Variants in VPS8 observed in about 807,000 individuals in gnomAD.
The protein encoded by VPS8 is VPS8 subunit of CORVET complex.
A neutral mutation model predicts 216.4 loss-of-function variants in VPS8; 129 were observed. That is an observed-to-expected ratio of 0.60 (90% CI 0.52 to 0.69). VPS8 has a LOEUF of 0.69. Ranked by LOEUF, VPS8 falls within the 30% of genes least tolerant of loss-of-function variation. The pLI is 0.00. For synonymous variants in VPS8, 571 were observed against 565.4 expected (o/e 1.01, Z -0.14); for missense variants, 1,531 against 1,683.5 (o/e 0.91, Z 1.59).
chr3:184,916,872 A>T (rs557641765), intron 28 of VPS8, among the ~76,000 whole-genome samples: 3 of 152,350 alleles, frequency 2.0e-5, no homozygotes, highest in Admixed American at 2.0e-4. Flanking sequence ...TGATGTCTGA[A>T]TTATGACACT....
intron 39 of VPS8, among the ~76,000 whole-genome samples, chr3:184,971,261 G>C (rs920553482): frequency 1.3e-5 from 2 of 152,108 alleles, no homozygotes; most frequent in East Asian, 3.9e-4. Context: ...AATGAAGAGA[G>C]ACCTAAAATA....
intron 30 of VPS8, among the ~76,000 whole-genome samples, chr3:184,925,923 A>G (rs1739524469): frequency 6.6e-6 from 1 of 150,922 alleles, no homozygotes; most frequent in South Asian, 2.1e-4. Context: ...ACAGGCACAT[A>G]CCACCACGCC....
intron 8 of VPS8, among the ~76,000 whole-genome samples, chr3:184,848,620 G>A (rs930727779): frequency 7.1e-6 from 1 of 140,576 alleles, no homozygotes; most frequent in South Asian, 2.3e-4. Flanking sequence ...GCAGGCTGGA[G>A]TGCGGTAGTG....
intron 40 of VPS8, among the ~76,000 whole-genome samples, chr3:184,978,676 T>C (rs1224189147): frequency 6.6e-6 from 1 of 152,106 alleles, no homozygotes; most frequent in African/African-American, 2.4e-5. Flanking sequence ...GGGATTACAA[T>C]TGTGAGCCAT....
chr3:184,908,631 C>T (rs754231751), intron 25 of VPS8, among the ~76,000 whole-genome samples: 14 of 152,312 alleles, frequency 9.2e-5, no homozygotes, highest in Admixed American at 5.9e-4. Flanking sequence ...CCTTTGCCAG[C>T]GAAGGCAAAA....
intron 37 of VPS8, among the ~76,000 whole-genome samples, chr3:184,962,319 GT>G (rs1368965702): frequency 7.9e-5 from 12 of 152,274 alleles, no homozygotes; most frequent in African/African-American, 2.9e-4. Context: ...AAGTAGTGTA[GT>G]TCTACTGATT....
chr3:184,965,330 AT>A (rs1224789626), intron 38 of VPS8, among the ~76,000 whole-genome samples: 1 of 152,204 alleles, frequency 6.6e-6, no homozygotes, highest in Non-Finnish European at 1.5e-5. Context: ...TAATCTGTAA[AT>A]TACTCCTATA....
intron 5 of VPS8, among the ~76,000 whole-genome samples, chr3:184,836,818 A>G (rs1721180226): frequency 6.6e-6 from 1 of 152,206 alleles, no homozygotes; most frequent in South Asian, 2.1e-4. Context: ...GGATTCATGC[A>G]TGGAAAACAC....
chr3:184,933,521 C>T (rs533765245), intron 34 of VPS8, among the ~76,000 whole-genome samples: 4 of 128,758 alleles, frequency 3.1e-5, no homozygotes, highest in African/African-American at 8.6e-5. Flanking sequence ...CTTTTCCTTT[C>T]GATCTTTGTG....
rs185346799 is a variant in VPS8, at chr3:184,826,565, T to C, written c.222+334T>C. Among the ~76,000 whole-genome samples the C allele has an allele frequency of 7.2e-5, 11 of 152,332 alleles. No homozygotes were observed. The East Asian group carries it at 1.9e-3, about 27-fold the overall frequency. ...GAGCTTCTCAAGGGCATAAACCATC[T>C]CTTGTTCATCTTTAGGGTCTCTGTG... is the stretch of plus-strand genomic sequence containing the variant. On this transcript the variant is annotated intron_variant, in intron 3 of 47. Coordinates refer to ENST00000625842, the MANE Select transcript of VPS8 (RefSeq NM_001009921.3).
chr3:184,929,326 T>C (rs935102702), intron 32 of VPS8, among the ~76,000 whole-genome samples: 1 of 152,176 alleles, frequency 6.6e-6, no homozygotes, highest in Non-Finnish European at 1.5e-5. Context: ...CCGTAGTAGC[T>C]CAGATGACAG....
At chr3:184,920,286 T>C (rs1167288937) in intron 29 of VPS8, 88 bp downstream of exon 29, 9 of 896,792 alleles carry the variant, frequency 1.0e-5, no homozygotes, top group African/African-American at 3.5e-5. Context: ...AATAATCTTG[T>C]TAAGTGGTTT....
intron 7 of VPS8, among the ~76,000 whole-genome samples, chr3:184,841,741 AACTT>A (rs1649914260): frequency 6.6e-6 from 1 of 152,174 alleles, no homozygotes; most frequent in African/African-American, 2.4e-5. Flanking sequence ...TTGGGAAAGA[AACTT>A]ACGAGGTCAT....
At chr3:184,961,860 A>G (rs1247802531) in intron 37 of VPS8, among the ~76,000 whole-genome samples, 1 of 151,730 alleles carries the variant, frequency 6.6e-6, no homozygotes, top group Non-Finnish European at 1.5e-5. Context: ...TCCACCTCCC[A>G]GATTCAAGTG....
chr3:184,896,520 A>G (rs1028519544), intron 23 of VPS8, among the ~76,000 whole-genome samples: 19 of 151,786 alleles, frequency 1.3e-4, no homozygotes, highest in African/African-American at 2.7e-4. Flanking sequence ...TGCTATTTTC[A>G]TTTTTTTCCC....
At chr3:185,004,366 G>T (rs1045289326) in intron 45 of VPS8, among the ~76,000 whole-genome samples, 1 of 152,196 alleles carries the variant, frequency 6.6e-6, no homozygotes, top group Non-Finnish European at 1.5e-5. Flanking sequence ...CGCAATCGCA[G>T]GCACTCGGCA....
intron 46 of VPS8, among the ~76,000 whole-genome samples, chr3:185,045,039 G>T (rs1712542840): frequency 6.6e-6 from 1 of 152,120 alleles, no homozygotes; most frequent in African/African-American, 2.4e-5. Context: ...TTAGGTGGTG[G>T]CAAAAGACTG....
intron 15 of VPS8, among the ~76,000 whole-genome samples, chr3:184,861,315 G>T (rs1726335056): frequency 6.6e-6 from 1 of 152,048 alleles, no homozygotes; most frequent in Non-Finnish European, 1.5e-5. Flanking sequence ...TAAATATAAG[G>T]CAATGCCTCA....
intron 15 of VPS8, among the ~76,000 whole-genome samples, chr3:184,861,707 A>G (rs1208811831): frequency 1.3e-5 from 2 of 152,254 alleles, no homozygotes; most frequent in Admixed American, 6.5e-5. Flanking sequence ...GCTTATTTAC[A>G]ACAATGTCAA....
Sources: gnomAD v4.1 joint callset for allele counts (sites outside exome capture counted in the v4.1 genomes callset) on GRCh38, gnomAD v4.1.1 for gene constraint, MANE v1.5 for transcripts, NCBI Gene and HGNC (gene_info 2026-07-23, HGNC 2026-07-21) for gene names.